The following TRIM49 variants were observed in gnomAD, a reference collection of about 807,000 sequenced individuals.
The protein encoded by TRIM49 is tripartite motif-containing protein 49.
Under a neutral mutation model 27.4 loss-of-function variants are expected in TRIM49, and 5 were observed. The ratio of observed to expected loss-of-function variants is 0.18; its 90% CI spans 0.10 to 0.38. The LOEUF (loss-of-function observed/expected upper bound fraction) is 0.38. Ranked by LOEUF, TRIM49 falls within the 10% of genes least tolerant of loss-of-function variation. The probability of loss-of-function intolerance (pLI) is 1.00; values close to 1 mark genes in which losing one functional copy is unlikely to be tolerated. For synonymous variants in TRIM49, 69 were observed against 166.0 expected, an observed-to-expected ratio of 0.42 and a Z score of 4.49; for missense variants, 188 against 487.5, an observed-to-expected ratio of 0.39 and a Z score of 5.79.
chr11:89,791,157 A>T, the TRIM49 span, among the ~76,000 whole-genome samples: 1 of 151,450 alleles, frequency 6.6e-6, no homozygotes, highest in African/African-American at 2.4e-5. Flanking sequence ...TGATTGAAGA[A>T]CAAATGAATG....
downstream of TRIM49, among the ~76,000 whole-genome samples, chr11:89,796,232 T>G (rs1301941827): frequency 2.0e-5 from 3 of 151,872 alleles, no homozygotes; most frequent in African/African-American, 7.3e-5. Flanking sequence ...TTATATCAAG[T>G]AATTATAGTT....
intron 4 of TRIM49, among the ~76,000 whole-genome samples, chr11:89,802,422 C>T (rs1469709192): frequency 4.7e-5 from 7 of 150,426 alleles, no homozygotes; most frequent in African/African-American, 1.7e-4. Context: ...TCTTTGTCTC[C>T]CTGAATTCAT....
intron 6 of TRIM49, among the ~76,000 whole-genome samples, 168 bp downstream of exon 6, chr11:89,800,798 T>C (rs1949729570): frequency 1.3e-5 from 2 of 150,300 alleles, no homozygotes; most frequent in Admixed American, 6.6e-5. Context: ...TCTTCTTTTA[T>C]TCATTTATTT....
chr11:89,766,626 G>A, the TRIM49 span: 1 of 1,227,348 alleles, frequency 8.1e-7, no homozygotes, highest in South Asian at 1.3e-5. Flanking sequence ...AGACCTGACA[G>A]GAAAATTTAA....
chr11:89,783,778 T>C, the TRIM49 span, among the ~76,000 whole-genome samples: 3 of 146,358 alleles, frequency 2.0e-5, no homozygotes, highest in Non-Finnish European at 4.5e-5. Context: ...GGGCACCGGC[T>C]TACCTGCTCT....
chr11:89,802,976 T>TA (rs1423860026), intron 4 of TRIM49, among the ~76,000 whole-genome samples: 1 of 150,566 alleles, frequency 6.6e-6, no homozygotes, highest in Non-Finnish European at 1.5e-5. Flanking sequence ...ATATTCAACA[T>TA]AGACTAGGTT....
chr11:89,794,182 G>C (rs960302916), downstream of TRIM49, among the ~76,000 whole-genome samples: 3 of 121,830 alleles, frequency 2.5e-5, no homozygotes, highest in Non-Finnish European at 5.2e-5. Flanking sequence ...AACTTAAAGA[G>C]ACGTGAAGGA....
At chr11:89,767,767 T>A in the TRIM49 span, among the ~76,000 whole-genome samples, 10,444 of 131,974 alleles carry the variant, frequency 0.079, 600 homozygotes, top group East Asian at 0.19. Context: ...ATGCACGTGA[T>A]TAAAATTATA....
the TRIM49 span, chr11:89,776,999 C>T: frequency 4.6e-5 from 71 of 1,540,052 alleles, no homozygotes; most frequent in African/African-American, 3.7e-4. Context: ...TGATGCCCTG[C>T]GAGTCTTCCA....
chr11:89,783,140 C>A, the TRIM49 span, among the ~76,000 whole-genome samples: 1 of 136,664 alleles, frequency 7.3e-6, no homozygotes, highest in East Asian at 2.4e-4. Context: ...TACATCTTCT[C>A]AAGTATATTA....
the TRIM49 span, chr11:89,787,847 G>A: frequency 4.9e-5 from 22 of 448,028 alleles, 2 homozygotes; most frequent in South Asian, 3.9e-4. Flanking sequence ...GTGAGAGTCC[G>A]CGGGTGCTTG....
At chr11:89,791,770 C>T in the TRIM49 span, among the ~76,000 whole-genome samples, 6 of 152,098 alleles carry the variant, frequency 3.9e-5, no homozygotes, top group Admixed American at 2.6e-4. Flanking sequence ...GAAGAACCAG[C>T]ACCAGCCACT....
downstream of TRIM49, among the ~76,000 whole-genome samples, chr11:89,795,777 C>G (rs1302486120): frequency 6.7e-6 from 1 of 149,590 alleles, no homozygotes. Context: ...GGGAGATATA[C>G]CTAATGTAAA....
chr11:89,804,995 A>G (rs1949777382), intron 2 of TRIM49, among the ~76,000 whole-genome samples: 1 of 151,412 alleles, frequency 6.6e-6, no homozygotes, highest in African/African-American at 2.4e-5. Context: ...ACAAGCCTGC[A>G]AGTCCTGCAG....
chr11:89,793,725 G>C (rs1479749466), downstream of TRIM49, among the ~76,000 whole-genome samples: 1 of 151,940 alleles, frequency 6.6e-6, no homozygotes, highest in African/African-American at 2.4e-5. Flanking sequence ...GTATTGATGG[G>C]ACGTATCTCA....
the TRIM49 span, among the ~76,000 whole-genome samples, chr11:89,785,693 TTG>T: frequency 1.4e-5 from 2 of 145,098 alleles, no homozygotes; most frequent in Non-Finnish European, 3.0e-5. Flanking sequence ...TTAAAATAAA[TTG>T]TGAGAATTTT....
downstream of TRIM49, among the ~76,000 whole-genome samples, chr11:89,794,475 T>G (rs1247732350): frequency 6.6e-6 from 1 of 151,418 alleles, no homozygotes; most frequent in Non-Finnish European, 1.5e-5. Context: ...TCACACTACT[T>G]GACTTCAAAC....
At chr11:89,800,638 G>C (rs1949727653) in intron 6 of TRIM49, among the ~76,000 whole-genome samples, 1 of 150,200 alleles carries the variant, frequency 6.7e-6, no homozygotes, top group Non-Finnish European at 1.5e-5. Context: ...GGGTACTCGG[G>C]AGGCTGAGGC....
At chr11:89,785,927 C>A in the TRIM49 span, 1 of 141,570 alleles carries the variant, frequency 7.1e-6, no homozygotes, top group African/African-American at 2.9e-5. Flanking sequence ...TGCCGCGATC[C>A]CCCGCCCACG....
Sources: allele counts gnomAD v4.1 joint callset (sites outside exome capture counted in the v4.1 genomes callset), GRCh38; gene constraint gnomAD v4.1.1; transcripts MANE v1.5; gene names NCBI Gene and HGNC (gene_info 2026-07-23, HGNC 2026-07-21).